The following WNT6 variants were observed in gnomAD, a reference collection of about 807,000 sequenced individuals.
WNT6 encodes Wnt family member 6.
In WNT6, 27 loss-of-function variants were observed where a neutral mutation model predicts 33.1. The observed-to-expected ratio is 0.82, with a 90% CI of 0.60 to 1.12. WNT6 has a LOEUF of 1.12. WNT6 is among the 50% of genes most tolerant of loss of function. The probability of loss-of-function intolerance (pLI) is 0.00; values close to 1 mark genes in which losing one functional copy is unlikely to be tolerated. For synonymous variants in WNT6, 249 were observed against 242.8 expected (o/e 1.03, Z -0.24); for missense variants, 494 against 535.3 (o/e 0.92, Z 0.76).
chr2:218,873,341 C>A lies in WNT6; in HGVS notation c.637-43C>A, dbSNP rs1432824640. 2 of 1,512,738 alleles carry A rather than the reference C, an allele frequency of 1.3e-6. No homozygotes were observed. Among genetic ancestry groups the A allele is most frequent in the African/African-American group, 1.4e-5 (1 of 71,354 alleles). The allele number at this position is 1,512,738 out of a possible 1,614,324, so 93.7% of individuals were successfully genotyped here. A position where few individuals can be genotyped will look rare whatever the true frequency, so the allele number is the denominator to read the frequency against. ...TCCATCCGCTGGGCCCTTCCCTGCACCCCCTACCTGTCCACATGCGTCCGC... is the reference window on the plus strand; with the variant it reads ...TCCATCCGCTGGGCCCTTCCCTGCAACCCCTACCTGTCCACATGCGTCCGC... On this transcript the variant is annotated intron_variant, in intron 3 of 3. Transcript: ENST00000233948. The surrounding 1 kb of genome is among the most constrained non-coding windows in gnomAD (Gnocchi z 6.1).
At position 218,871,675 on chromosome 2, in the gene WNT6, C is replaced by A. The variant is rs1373531426; in HGVS notation, c.492C>A (p.Ser164Arg). The change falls in exon 3 of 4, where the codon AGC becomes AGA. Residue 164 changes from serine to arginine, a missense_variant. By Grantham distance (110) the Ser-to-Arg change is moderately radical. Transcript: ENST00000233948. The surrounding 1 kb of genome is among the most constrained non-coding windows in gnomAD (Gnocchi z 6.4). Reference protein sequence around the residue: ...PPGPAGSPEGSAAWEWGGCGD... With the variant: ...PPGPAGSPEGRAAWEWGGCGD... ...GCCCCGCGGGCTCCCCGGAAGGCAG[C>A]GCCGCCTGGGAGTGGGGAGGCTGCG... 1 of 1,553,184 alleles carries A rather than the reference C, an allele frequency of 6.4e-7. No individual in the cohort carries two copies.
At position 218,871,491 on chromosome 2, in the gene WNT6, G is replaced by C; in HGVS notation, c.308G>C (p.Arg103Pro). The change falls in exon 3 of 4, where the codon CGG becomes CCG. Residue 103 changes from arginine to proline, a missense_variant. Coordinates refer to ENST00000233948, the MANE Select transcript of WNT6 (RefSeq NM_006522.4). The surrounding 1 kb of genome is among the most constrained non-coding windows in gnomAD (Gnocchi z 6.4). Reference sequence around the variant, plus strand: ...CACCTGTCTGCATTCACAGACATTCGGGAGACGGCCTTCGTGTTCGCCATC... The same window carrying C: ...CACCTGTCTGCATTCACAGACATTCCGGAGACGGCCTTCGTGTTCGCCATC... Reference protein sequence around the residue: ...AFGRILQQDIRETAFVFAITA... With the variant: ...AFGRILQQDIPETAFVFAITA... 1 of 1,597,586 alleles carries C rather than the reference G, an allele frequency of 6.3e-7. No individual in the cohort carries two copies.
chr2:218,860,262 C>CGT (rs1944294332), intron 1 of WNT6, 145 bp downstream of exon 1: 1 of 736,010 alleles, frequency 1.4e-6, no homozygotes, highest in African/African-American at 1.9e-5. Flanking sequence ...CGTTTCTGAA[C>CGT]TCCACTTCGA....
intron 1 of WNT6, 70 bp downstream of exon 1, chr2:218,860,187 G>T: frequency 7.4e-7 from 1 of 1,357,810 alleles, no homozygotes; most frequent in African/African-American, 1.5e-5. Context: ...GGACAGACTG[G>T]GGTGTTCCGC....
chr2:218,871,453 C>A lies in WNT6; in HGVS notation c.302-32C>A, dbSNP rs189599859. 9 of 1,591,122 alleles carry A rather than the reference C, an allele frequency of 5.7e-6. No individual in the cohort carries two copies. The African/African-American group carries it at 8.0e-5, about 14-fold the overall frequency. ...CCCAGGCCCCAGCTGACCGCCCCAG[C>A]CCGCGCTGATTGCACCTGTCTGCAT... On this transcript the variant is annotated intron_variant, in intron 2 of 3. Coordinates refer to ENST00000233948, the MANE Select transcript of WNT6 (RefSeq NM_006522.4). This position sits in a 1 kb window ranked among gnomAD's most constrained non-coding sequence, Gnocchi z 6.4.
chr2:218,859,966 G>C lies in WNT6; in HGVS notation c.-72G>C, dbSNP rs1944290841. Reference sequence around the variant, plus strand: ...GCTCGCCGCGCTCGCACTGAAGCCCGGGCCCTCGCGCGCCGCGGTTCGCCC... The same window carrying C: ...GCTCGCCGCGCTCGCACTGAAGCCCCGGCCCTCGCGCGCCGCGGTTCGCCC... On this transcript the variant is annotated 5_prime_UTR_variant, in exon 1 of 4. Coordinates refer to ENST00000233948, the MANE Select transcript of WNT6 (RefSeq NM_006522.4). 8.2e-7 allele frequency: 1 copy of C among 1,223,008 alleles called. No homozygotes were observed. The highest frequency in any genetic ancestry group is 1.0e-6 in the Non-Finnish European group (1 of 971,466). The allele number at this position is 1,223,008 out of a possible 1,614,324, so 75.8% of individuals were successfully genotyped here.
chr2:218,873,525 G>A lies in WNT6; in HGVS notation c.778G>A (p.Val260Ile), dbSNP rs994352872. Residue 260 changes from valine (V) to isoleucine (I), a missense_variant, in exon 4 of 4, where the codon GTC becomes ATC. Transcript: ENST00000233948. The surrounding 1 kb of genome is among the most constrained non-coding windows in gnomAD (Gnocchi z 6.1). ...GGAGCGCTTCCACGGCGCCTCACGC[G>A]TCATGGGCACCAACGACGGCAAGGC... is the stretch of plus-strand genomic sequence containing the variant. Reference protein sequence around the residue: ...LLERFHGASRVMGTNDGKALL... With the variant: ...LLERFHGASRIMGTNDGKALL... 3.3e-6 allele frequency: 5 copies of A among 1,538,062 alleles called. No individual in the cohort carries two copies. In the Admixed American group the frequency reaches 7.8e-5, roughly 24 times the overall value.
At chr2:218,872,413 C>T (rs1944410629) in intron 3 of WNT6, among the ~76,000 whole-genome samples, 1 of 152,166 alleles carries the variant, frequency 6.6e-6, no homozygotes, top group East Asian at 1.9e-4. Flanking sequence ...GTGACCAATT[C>T]TGGGCATTTG....
chr2:218,861,031 G>A (rs1944304193), intron 1 of WNT6, among the ~76,000 whole-genome samples: 1 of 152,214 alleles, frequency 6.6e-6, no homozygotes. Context: ...GGAGAGACTT[G>A]GACAATAACG....
chr2:218,863,505 C>T (rs1245137608), intron 1 of WNT6, among the ~76,000 whole-genome samples: 1 of 152,184 alleles, frequency 6.6e-6, no homozygotes. Flanking sequence ...TTCTCTCCCA[C>T]CTTCTTTTTC....
intron 3 of WNT6, among the ~76,000 whole-genome samples, chr2:218,872,283 G>A (rs529579224): frequency 2.6e-5 from 4 of 152,206 alleles, no homozygotes; most frequent in African/African-American, 9.7e-5. Flanking sequence ...GGGAAGCCAG[G>A]GGGAGTGAGA....
chr2:218,860,958 C>CT (rs138615794), intron 1 of WNT6, among the ~76,000 whole-genome samples: 2 of 151,410 alleles, frequency 1.3e-5, no homozygotes, highest in South Asian at 2.1e-4. Context: ...ATCCAAAGGA[C>CT]TTTTTTCCCC....
chr2:218,863,433 C>A (rs545947900), intron 1 of WNT6, among the ~76,000 whole-genome samples: 1 of 152,354 alleles, frequency 6.6e-6, no homozygotes, highest in East Asian at 1.9e-4. Flanking sequence ...CTGTCTTGGT[C>A]AGGAAAGAGG....
At chr2:218,865,858 G>A (rs953145256) in intron 1 of WNT6, among the ~76,000 whole-genome samples, 20 of 151,812 alleles carry the variant, frequency 1.3e-4, no homozygotes, top group Admixed American at 3.3e-4. Flanking sequence ...TCTCCCAAGA[G>A]TGATGAGGAG....
intron 1 of WNT6, 88 bp downstream of exon 1, chr2:218,860,205 C>T (rs888951234): frequency 3.2e-6 from 4 of 1,231,424 alleles, no homozygotes; most frequent in African/African-American, 3.1e-5. Flanking sequence ...CGCAGCCTCC[C>T]GGCTCTACCT....
chr2:218,860,373 C>A (rs1052816115), intron 1 of WNT6, among the ~76,000 whole-genome samples: 11 of 152,124 alleles, frequency 7.2e-5, no homozygotes, highest in Non-Finnish European at 4.4e-5. Context: ...AAGGAACAGG[C>A]GAGTGGGTAG....
chr2:218,871,611 CCCGGCCCT>C lies in WNT6; in HGVS notation c.435_442del (p.Ser146AlafsTer164). 1 of 1,488,202 alleles carries C rather than the reference CCCGGCCCT, an allele frequency of 6.7e-7. No individual in the cohort carries two copies. The highest frequency in any genetic ancestry group is 1.3e-5 in the South Asian group (1 of 75,164). The allele number at this position is 1,488,202 out of a possible 1,614,324, so 92.2% of individuals were successfully genotyped here. ...CAGGCGCCCCGCGGGCGGGCCCCTC[CCCGGCCCT>C]CCGGCCTGCCCGGCACCCCCGGACC... is the stretch of plus-strand genomic sequence containing the variant. On this transcript the variant is annotated frameshift_variant, in exon 3 of 4. Transcript: ENST00000233948. LOFTEE classifies it high-confidence loss of function. This position sits in a 1 kb window ranked among gnomAD's most constrained non-coding sequence, Gnocchi z 6.4.
chr2:218,871,488 T>C lies in WNT6; in HGVS notation c.305T>C (p.Ile102Thr). Residue 102 changes from isoleucine to threonine, a missense_variant, in exon 3 of 4, where the codon ATT becomes ACT. Transcript: ENST00000233948. This position sits in a 1 kb window ranked among gnomAD's most constrained non-coding sequence, Gnocchi z 6.4. Reference protein sequence around the residue: ...KAFGRILQQDIRETAFVFAIT... With the variant: ...KAFGRILQQDTRETAFVFAIT... ...TTGCACCTGTCTGCATTCACAGACA[T>C]TCGGGAGACGGCCTTCGTGTTCGCC... The C allele has an allele frequency of 1.9e-6, 3 of 1,597,530 alleles. No individual in the cohort carries two copies. Among genetic ancestry groups the C allele is most frequent in the Non-Finnish European group, 2.5e-6 (3 of 1,179,334 alleles).
rs1944291964 is a variant in WNT6, at chr2:218,860,048, C to T, written c.11C>T (p.Pro4Leu). The change falls in exon 1 of 4, where the codon CCC becomes CTC. Residue 4 changes from proline (P) to leucine (L), a missense_variant. By Grantham distance (98) the Pro-to-Leu change is moderately conservative. Coordinates refer to ENST00000233948, the MANE Select transcript of WNT6 (RefSeq NM_006522.4). Reference protein sequence around the residue: MLPPLPSRLGLLLL... With the variant: MLPLLPSRLGLLLL... ...CGTAGGGCGGTCACGATGCTGCCGC[C>T]CTTACCCTCCCGCCTCGGGCTGCTG... 1 of 1,516,484 alleles carries T rather than the reference C, an allele frequency of 6.6e-7. No homozygotes were observed. Among genetic ancestry groups the T allele is most frequent in the Non-Finnish European group, 8.8e-7 (1 of 1,138,018 alleles). 93.9% of individuals were successfully genotyped at this position (1,516,484 alleles called of 1,614,324 possible).
Sources: gnomAD v4.1 joint callset for allele counts (sites outside exome capture counted in the v4.1 genomes callset) on GRCh38, gnomAD v4.1.1 for gene constraint, Gnocchi (gnomAD v3.1) non-coding constraint, MANE v1.5 for transcripts, NCBI Gene and HGNC (gene_info 2026-07-23, HGNC 2026-07-21) for gene names.